Variants in SELP observed in about 807,000 individuals in gnomAD.
The protein encoded by SELP is selectin P.
In SELP, 92 loss-of-function variants were observed where a neutral mutation model predicts 104.1. The ratio of observed to expected loss-of-function variants is 0.88; its 90% CI spans 0.75 to 1.05. SELP has a LOEUF of 1.05. SELP is among the 50% of genes least tolerant of loss of function. The probability of loss-of-function intolerance (pLI) is 0.00; values close to 1 mark genes in which losing one functional copy is unlikely to be tolerated. For missense variants in SELP, 1,022 were observed against 1,017.3 expected, an observed-to-expected ratio of 1.00 and a Z score of -0.06; for synonymous variants, 397 against 364.5, an observed-to-expected ratio of 1.09 and a Z score of -1.01.
At chr1:169,600,551 G>C (rs1222318846) in intron 10 of SELP, among the ~76,000 whole-genome samples, 1 of 152,144 alleles carries the variant, frequency 6.6e-6, no homozygotes, top group Non-Finnish European at 1.5e-5. Flanking sequence ...AACTAAAGTG[G>C]AACTATCGGT....
At chr1:169,600,470 T>C (rs1032174084) in intron 10 of SELP, among the ~76,000 whole-genome samples, 1 of 152,138 alleles carries the variant, frequency 6.6e-6, no homozygotes, top group Non-Finnish European at 1.5e-5. Context: ...CTGGAACCAA[T>C]TCCCCCTGCA....
chr1:169,605,516 G>A (rs1662143313), intron 9 of SELP, among the ~76,000 whole-genome samples: 1 of 151,814 alleles, frequency 6.6e-6, no homozygotes, highest in African/African-American at 2.4e-5. Flanking sequence ...ATGTGATTAT[G>A]CTTTTGTGTG....
intron 4 of SELP, 34 bp from the exon 5 acceptor site, chr1:169,613,148 A>G (rs1472717115): frequency 1.3e-6 from 2 of 1,540,492 alleles, no homozygotes; most frequent in South Asian, 1.2e-5. Flanking sequence ...TTTATTTTCC[A>G]TGTAGAATTA....
Position 169,596,061 on chromosome 1 carries a change from A to G in SELP, c.1965T>C (p.Cys655=). 3 of 1,613,928 alleles carry G rather than the reference A, an allele frequency of 1.9e-6. No individual in the cohort carries two copies. The highest frequency in any genetic ancestry group is 1.7e-6 in the Non-Finnish European group (2 of 1,179,856). Residue 655 remains cysteine, a synonymous_variant, in exon 12 of 17, where the codon TGT becomes TGC. Transcript: ENST00000263686. ...LTTPGQGTMY[C]RHHPGTFGFN... is the part of the protein sequence containing the mutation. Reference sequence around the variant, plus strand: ...AACCAAAGGTTCCCGGATGATGCCTACAGTACATGGTTCCCTGCCCAGGAG... The same window carrying G: ...AACCAAAGGTTCCCGGATGATGCCTGCAGTACATGGTTCCCTGCCCAGGAG...
chr1:169,625,426 A>G (rs1300050409), intron 1 of SELP, among the ~76,000 whole-genome samples: 7 of 152,152 alleles, frequency 4.6e-5, no homozygotes, highest in African/African-American at 1.7e-4. Context: ...GGAAGTAAAG[A>G]TGACCTCCTT....
In SELP at chr1:169,594,865, G is replaced by A. The variant is rs1661525275; in HGVS notation, c.2114C>T (p.Ser705Leu). Residue 705 changes from serine to leucine, a missense_variant, in exon 13 of 17, where the codon TCA (serine) becomes TTA (leucine). Transcript: ENST00000263686. ...TATTGGCTTATTAACATGTAGTTCT[G>A]AGCATTTCACAGCTGCAGAAAAGAA... ...VTPACRAVKC[S>L]ELHVNKPIAM... is the part of the protein sequence containing the mutation. The A allele has an allele frequency of 2.5e-6, 4 of 1,611,990 alleles. No homozygotes were observed. In the African/African-American group the frequency reaches 5.3e-5, roughly 22 times the overall value.
intron 9 of SELP, among the ~76,000 whole-genome samples, chr1:169,604,172 G>A (rs1390431641): frequency 6.6e-6 from 1 of 151,790 alleles, no homozygotes; most frequent in South Asian, 2.1e-4. Context: ...ATCTCATTGT[G>A]GTTTTGATTT....
At position 169,618,367 on chromosome 1, in the gene SELP, C is replaced by T. The variant is rs182535160; in HGVS notation, c.94+762G>A. ...AATACTCCCTTATTAAGATAGGGCT[C>T]AGAACAGCCCTTTTTCACAAGTGTT... On this transcript the variant is annotated intron_variant, in intron 2 of 16. Coordinates refer to ENST00000263686, the MANE Select transcript of SELP (RefSeq NM_003005.4). 1.2e-4 allele frequency among the ~76,000 whole-genome samples: 18 copies of T among 152,236 alleles called. No individual in the cohort carries two copies. The East Asian group carries it at 3.3e-3, about 28-fold the overall frequency.
chr1:169,617,417 A>T lies in SELP; in HGVS notation c.95-3T>A, dbSNP rs1286571664. 6.2e-7 allele frequency: 1 copy of T among 1,612,196 alleles called. No homozygotes were observed. Among genetic ancestry groups the T allele is most frequent in the Admixed American group, 1.7e-5 (1 of 59,954 alleles). On this transcript the variant is annotated splice_region_variant and splice_polypyrimidine_tract_variant and intron_variant, in intron 2 of 16. Coordinates refer to ENST00000263686, the MANE Select transcript of SELP (RefSeq NM_003005.4). ...CACTTCTTTCTGGTTTGTTAGTTCTAGAGTAAAGGAGAGTGAGTGCCAGGT... is the reference window on the plus strand; with the variant it reads ...CACTTCTTTCTGGTTTGTTAGTTCTTGAGTAAAGGAGAGTGAGTGCCAGGT...
intron 9 of SELP, 137 bp from the exon 10 acceptor site, chr1:169,603,348 T>TGTGTGTGTGTGTGTGA (rs1311239001): frequency 1.6e-6 from 1 of 639,964 alleles, no homozygotes; most frequent in African/African-American, 1.9e-5. Context: ...TGTGTGTGTG[T>TGTGTGTGTGTGTGTGA]GATTAATATA....
In SELP at chr1:169,596,084, G is replaced by C; in HGVS notation, c.1942C>G (p.Pro648Ala). ...PGVQCPALTT[P>A]GQGTMYCRHH... ...CTACAGTACATGGTTCCCTGCCCAGGAGTGGTGAGGGCTGGACATTGCACC... is the reference window on the plus strand; with the variant it reads ...CTACAGTACATGGTTCCCTGCCCAGCAGTGGTGAGGGCTGGACATTGCACC... The change falls in exon 12 of 17, where the codon CCT becomes GCT. Residue 648 changes from proline to alanine, a missense_variant. Physicochemically the swap from Pro to Ala is conservative, Grantham distance 27. Coordinates refer to ENST00000263686, the MANE Select transcript of SELP (RefSeq NM_003005.4). 1 of 1,613,910 alleles carries C rather than the reference G, an allele frequency of 6.2e-7. No homozygotes were observed. Among genetic ancestry groups the C allele is most frequent in the Non-Finnish European group, 8.5e-7 (1 of 1,179,836 alleles).
rs574189244 is a variant in SELP at position 169,614,235 on chromosome 1, A to G, written c.482-542T>C. ...TTCACCTTTCATTTGCTTCAAATCT[A>G]TGTCCAGAATCCTACAGTGGAGAAA... On this transcript the variant is annotated intron_variant, in intron 3 of 16. Coordinates refer to ENST00000263686, the MANE Select transcript of SELP (RefSeq NM_003005.4). Among the ~76,000 whole-genome samples, 6 of 152,336 alleles carry G rather than the reference A, an allele frequency of 3.9e-5. No individual in the cohort carries two copies. In the South Asian group the frequency reaches 1.2e-3, roughly 32 times the overall value.
At chr1:169,600,707 G>C (rs1661864073) in intron 10 of SELP, among the ~76,000 whole-genome samples, 1 of 152,178 alleles carries the variant, frequency 6.6e-6, no homozygotes, top group African/African-American at 2.4e-5. Flanking sequence ...TGTGAAAATT[G>C]GGGTTCTAGG....
chr1:169,619,919 G>T (rs1663005431), intron 1 of SELP, among the ~76,000 whole-genome samples: 1 of 151,922 alleles, frequency 6.6e-6, no homozygotes, highest in Non-Finnish European at 1.5e-5. Flanking sequence ...AAATGTTTTT[G>T]GGGCCAGGCA....
chr1:169,597,829 G>A (rs1661707575), intron 10 of SELP, among the ~76,000 whole-genome samples: 1 of 152,130 alleles, frequency 6.6e-6, no homozygotes, highest in African/African-American at 2.4e-5. Flanking sequence ...ACATTCCCCT[G>A]AGAATTTTTC....
intron 1 of SELP, among the ~76,000 whole-genome samples, chr1:169,623,449 G>C (rs1663231003): frequency 6.6e-6 from 1 of 152,146 alleles, no homozygotes; most frequent in Non-Finnish European, 1.5e-5. Flanking sequence ...TTTCCAAAAA[G>C]AGATGTTTCC....
intron 1 of SELP, among the ~76,000 whole-genome samples, chr1:169,629,119 A>G (rs777232952): frequency 6.6e-5 from 10 of 152,252 alleles, no homozygotes; most frequent in Non-Finnish European, 1.0e-4. Context: ...GGAAAGTCTG[A>G]GGAAAATTGG....
chr1:169,621,991 G>C (rs1408674993), intron 1 of SELP, among the ~76,000 whole-genome samples: 4 of 152,186 alleles, frequency 2.6e-5, no homozygotes, highest in African/African-American at 9.7e-5. Flanking sequence ...AGCAAAGAGA[G>C]TGTTAATTAA....
At chr1:169,628,634 C>T (rs1021588296) in intron 1 of SELP, among the ~76,000 whole-genome samples, 5 of 152,098 alleles carry the variant, frequency 3.3e-5, no homozygotes, top group Non-Finnish European at 5.9e-5. Flanking sequence ...GTGTTTATGT[C>T]GATGTTTTTG....
Sources: allele counts gnomAD v4.1 joint callset (sites outside exome capture counted in the v4.1 genomes callset), GRCh38; gene constraint gnomAD v4.1.1; transcripts MANE v1.5; gene names NCBI Gene and HGNC (gene_info 2026-07-23, HGNC 2026-07-21).